CDH9: variants seen among roughly 807,000 people sequenced by gnomAD.
The protein encoded by CDH9 is cadherin-9.
CDH9 carries 28 observed loss-of-function variants against 70.9 expected under a neutral mutation model. The ratio of observed to expected loss-of-function variants is 0.40; its 90% CI spans 0.29 to 0.54. The LOEUF is 0.54. Among genes scored for constraint, CDH9 ranks in the 20% least tolerant of loss-of-function variants. CDH9 has a pLI of 0.59. For missense variants in CDH9, 874 were observed against 984.4 expected, an observed-to-expected ratio of 0.89 and a Z score of 1.50; for synonymous variants, 409 against 343.1, an observed-to-expected ratio of 1.19 and a Z score of -2.12.
chr5:27,008,628 A>G (rs966308567), intron 1 of CDH9, among the ~76,000 whole-genome samples: 1 of 152,190 alleles, frequency 6.6e-6, no homozygotes, highest in African/African-American at 2.4e-5. Flanking sequence ...CAATAAAAAC[A>G]ATGTGCATTT....
chr5:26,965,560 AGT>A (rs1742114363), intron 2 of CDH9, among the ~76,000 whole-genome samples: 1 of 144,298 alleles, frequency 6.9e-6, no homozygotes, highest in Non-Finnish European at 1.5e-5. Flanking sequence ...TGCATGACAG[AGT>A]GAGACTCTGT....
At chr5:26,935,945 T>C (rs3903449) in intron 2 of CDH9, among the ~76,000 whole-genome samples, 27,591 of 152,090 alleles carry the variant, frequency 0.18, 2,699 homozygotes, top group South Asian at 0.36. Flanking sequence ...ATAATGTCTT[T>C]CACAGCAACT....
chr5:26,991,952 T>C (rs925450965), intron 1 of CDH9, among the ~76,000 whole-genome samples: 4 of 152,190 alleles, frequency 2.6e-5, no homozygotes, highest in African/African-American at 9.7e-5. Context: ...GTTCTAATGA[T>C]TTTATACTAT....
At chr5:27,030,853 T>G (rs1381879351) in intron 1 of CDH9, among the ~76,000 whole-genome samples, 1 of 151,784 alleles carries the variant, frequency 6.6e-6, no homozygotes, top group Non-Finnish European at 1.5e-5. Flanking sequence ...ATAGTGAGAG[T>G]AATTCTTTAC....
intron 2 of CDH9, among the ~76,000 whole-genome samples, chr5:26,960,847 T>C (rs1742022151): frequency 6.6e-6 from 1 of 152,124 alleles, no homozygotes; most frequent in Non-Finnish European, 1.5e-5. Flanking sequence ...TATTTTCATA[T>C]GCATGTGTAT....
intron 2 of CDH9, among the ~76,000 whole-genome samples, chr5:26,956,307 C>T (rs945307228): frequency 2.0e-5 from 3 of 152,134 alleles, no homozygotes; most frequent in Admixed American, 6.5e-5. Flanking sequence ...GTGAGGCTTC[C>T]TAAGCCACGT....
chr5:26,973,491 A>G (rs532294160), intron 2 of CDH9, among the ~76,000 whole-genome samples: 1 of 152,200 alleles, frequency 6.6e-6, no homozygotes, highest in South Asian at 2.1e-4. Context: ...AGCACAAGAC[A>G]TATTAATAAC....
chr5:26,896,990 A>T (rs1413122343), intron 7 of CDH9, among the ~76,000 whole-genome samples: 4 of 152,154 alleles, frequency 2.6e-5, no homozygotes, highest in African/African-American at 9.6e-5. Flanking sequence ...AGGGAATATC[A>T]CCAGTGATCC....
At chr5:27,019,726 T>A (rs1182656158) in intron 1 of CDH9, among the ~76,000 whole-genome samples, 2 of 151,918 alleles carry the variant, frequency 1.3e-5, no homozygotes, top group Non-Finnish European at 2.9e-5. Context: ...CGTAAATAAG[T>A]AAATCAACAC....
At chr5:26,990,735 CT>C (rs1742566214) in intron 1 of CDH9, among the ~76,000 whole-genome samples, 4 of 152,158 alleles carry the variant, frequency 2.6e-5, no homozygotes, top group Admixed American at 2.6e-4. Context: ...TGTTATCTTA[CT>C]TTGATAAAAT....
At chr5:26,892,165 A>G (rs898890084) in intron 7 of CDH9, among the ~76,000 whole-genome samples, 9 of 152,212 alleles carry the variant, frequency 5.9e-5, no homozygotes, top group Admixed American at 4.6e-4. Context: ...TTTTGAAAAG[A>G]TTAATTTATA....
chr5:27,037,070 T>C (rs1743406000), intron 1 of CDH9, among the ~76,000 whole-genome samples: 1 of 152,002 alleles, frequency 6.6e-6, no homozygotes, highest in African/African-American at 2.4e-5. Flanking sequence ...AAAATAGGAT[T>C]CTTCTTCTGC....
At chr5:26,892,523 C>G (rs1740677913) in intron 7 of CDH9, among the ~76,000 whole-genome samples, 1 of 152,130 alleles carries the variant, frequency 6.6e-6, no homozygotes, top group African/African-American at 2.4e-5. Flanking sequence ...GGCTAATCAG[C>G]CTCTGCTGTA....
At chr5:26,934,179 C>T (rs986676706) in intron 2 of CDH9, among the ~76,000 whole-genome samples, 5 of 152,050 alleles carry the variant, frequency 3.3e-5, no homozygotes, top group African/African-American at 9.7e-5. Context: ...AGAGTAAGAG[C>T]TCAAGGCCAG....
chr5:26,939,791 T>C (rs1045989450), intron 2 of CDH9, among the ~76,000 whole-genome samples: 12 of 152,292 alleles, frequency 7.9e-5, no homozygotes, highest in African/African-American at 2.6e-4. Context: ...GAGAATTGTT[T>C]AGGCATGCAT....
chr5:26,985,159 T>C (rs774456438), intron 2 of CDH9, among the ~76,000 whole-genome samples: 1 of 152,160 alleles, frequency 6.6e-6, no homozygotes, highest in Non-Finnish European at 1.5e-5. Context: ...GGTCTAACTT[T>C]ATCCTATTAG....
At chr5:27,007,079 T>C (rs183424706) in intron 1 of CDH9, among the ~76,000 whole-genome samples, 2 of 152,294 alleles carry the variant, frequency 1.3e-5, no homozygotes, top group Non-Finnish European at 2.9e-5. Flanking sequence ...AAATGAATTT[T>C]CAGCCTATGG....
intron 2 of CDH9, among the ~76,000 whole-genome samples, chr5:26,985,966 C>T (rs529374900): frequency 3.3e-5 from 5 of 151,700 alleles, no homozygotes; most frequent in African/African-American, 1.2e-4. Flanking sequence ...AGTAAATGCC[C>T]TTAATAAGTT....
intron 2 of CDH9, among the ~76,000 whole-genome samples, chr5:26,957,653 G>A (rs937553591): frequency 6.6e-6 from 1 of 150,964 alleles, no homozygotes; most frequent in African/African-American, 2.4e-5. Context: ...CAGAAGAGAC[G>A]GTCTCAAAAA....
Sources: allele counts gnomAD v4.1 joint callset (sites outside exome capture counted in the v4.1 genomes callset), GRCh38; gene constraint gnomAD v4.1.1; transcripts MANE v1.5; gene names NCBI Gene and HGNC (gene_info 2026-07-23, HGNC 2026-07-21).